Variants in NACC2 observed in about 807,000 individuals in gnomAD.
The protein encoded by NACC2 is nucleus accumbens-associated protein 2.
A neutral mutation model predicts 25.1 loss-of-function variants in NACC2; 8 were observed. The ratio of observed to expected loss-of-function variants is 0.32; its 90% CI spans 0.19 to 0.57. The LOEUF is 0.57. Ranked by LOEUF, NACC2 falls within the 20% of genes least tolerant of loss-of-function variation. NACC2 has a pLI of 0.89. For missense variants in NACC2, 644 were observed against 650.2 expected (o/e 0.99, Z 0.10); for synonymous variants, 435 against 294.7 (o/e 1.48, Z -4.88).
chr9:136,063,890 A>C (rs538091476), intron 1 of NACC2, among the ~76,000 whole-genome samples: 30 of 151,904 alleles, frequency 2.0e-4, no homozygotes, highest in Non-Finnish European at 3.4e-4. Context: ...TCTCAAAAAA[A>C]AAAAAAACAA....
At position 136,042,679 on chromosome 9, in the gene NACC2, G is replaced by A. The variant is rs533941260; in HGVS notation, c.886+6957C>T. Among the ~76,000 whole-genome samples, 9 of 148,194 alleles carry A rather than the reference G, an allele frequency of 6.1e-5. No homozygotes were observed. The East Asian group carries it at 1.0e-3, about 17-fold the overall frequency. ...ACACAGAAACACACACAGACACACA[G>A]ACATACACACACAGACACACACACA... On this transcript the variant is annotated intron_variant, in intron 2 of 5. Transcript: ENST00000277554.
intron 1 of NACC2, among the ~76,000 whole-genome samples, chr9:136,072,504 C>T (rs1830204308): frequency 6.6e-6 from 1 of 151,946 alleles, no homozygotes. Flanking sequence ...AAGATCACAC[C>T]ACTGCAATCC....
intron 1 of NACC2, among the ~76,000 whole-genome samples, chr9:136,083,735 G>C (rs1170166305): frequency 6.6e-6 from 1 of 152,246 alleles, no homozygotes; most frequent in African/African-American, 2.4e-5. Context: ...CGCTGTGCAA[G>C]AAGAAATTCC....
intron 1 of NACC2, among the ~76,000 whole-genome samples, chr9:136,063,679 T>C (rs1029499900): frequency 6.6e-6 from 1 of 151,916 alleles, no homozygotes; most frequent in Non-Finnish European, 1.5e-5. Flanking sequence ...GGCCAGGAGT[T>C]CTAGACCAGC....
chr9:136,050,891 C>T (rs914251430), intron 1 of NACC2, among the ~76,000 whole-genome samples: 1 of 152,148 alleles, frequency 6.6e-6, no homozygotes, highest in Non-Finnish European at 1.5e-5. Flanking sequence ...CGAGGAGGAG[C>T]GCAGGCCTGA....
At position 136,022,083 on chromosome 9, in the gene NACC2, C is replaced by T. The variant is rs1387113878; in HGVS notation, c.887-5654G>A. Among the ~76,000 whole-genome samples, 1 of 152,224 alleles carries T rather than the reference C, an allele frequency of 6.6e-6. No homozygotes were observed. Among genetic ancestry groups the T allele is most frequent in the Non-Finnish European group, 1.5e-5 (1 of 68,036 alleles). On this transcript the variant is annotated intron_variant, in intron 2 of 5. Coordinates refer to ENST00000277554, the MANE Select transcript of NACC2 (RefSeq NM_144653.5). This position sits in a 1 kb window ranked among gnomAD's most constrained non-coding sequence, Gnocchi z 4.4. ...TCTGCTCATGGATCTGGAGGCTGAC[C>T]TGGCACATGCCCTGCACTATCTCTG...
chr9:136,024,454 A>C, intron 2 of NACC2, among the ~76,000 whole-genome samples: 2 of 41,958 alleles, frequency 4.8e-5, no homozygotes, highest in Non-Finnish European at 4.6e-5. Flanking sequence ...GACAGAGGGT[A>C]TGTGTGAGGA....
intron 1 of NACC2, among the ~76,000 whole-genome samples, chr9:136,087,940 G>T: frequency 7.2e-6 from 1 of 139,658 alleles, no homozygotes; most frequent in African/African-American, 2.5e-5. Context: ...CCACCCCGGG[G>T]ACTCTGCTGG....
intron 1 of NACC2, among the ~76,000 whole-genome samples, chr9:136,056,154 C>A (rs998310553): frequency 1.3e-5 from 2 of 152,184 alleles, no homozygotes; most frequent in African/African-American, 4.8e-5. Context: ...TGCCCAGCTC[C>A]GGATGTGCCA....
At chr9:136,063,931 C>T (rs1841047867) in intron 1 of NACC2, among the ~76,000 whole-genome samples, 1 of 151,820 alleles carries the variant, frequency 6.6e-6, no homozygotes, top group South Asian at 2.1e-4. Context: ...ACAGCTGTGC[C>T]CTCATCGGCT....
intron 2 of NACC2, among the ~76,000 whole-genome samples, chr9:136,037,079 C>T (rs1020484413): frequency 2.0e-5 from 3 of 152,078 alleles, no homozygotes; most frequent in Non-Finnish European, 4.4e-5. Flanking sequence ...CCTTAAAGTA[C>T]TGAAAGCAAA....
At chr9:136,033,234 G>C (rs1840499098) in intron 2 of NACC2, among the ~76,000 whole-genome samples, 1 of 152,022 alleles carries the variant, frequency 6.6e-6, no homozygotes, top group Non-Finnish European at 1.5e-5. Flanking sequence ...TAGACTCTCA[G>C]AGTAAATCAG....
chr9:136,042,462 C>T (rs1255861107), intron 2 of NACC2, among the ~76,000 whole-genome samples: 99 of 152,166 alleles, frequency 6.5e-4, no homozygotes, highest in Non-Finnish European at 1.5e-4. Flanking sequence ...TGATTCTTGT[C>T]AAAGGTGTGA....
intron 1 of NACC2, among the ~76,000 whole-genome samples, chr9:136,075,589 C>T (rs1409838509): frequency 6.6e-6 from 1 of 152,212 alleles, no homozygotes; most frequent in Admixed American, 6.5e-5. Context: ...GGGCATAGGC[C>T]CACATTCAGG....
In NACC2 at chr9:136,022,116, C is replaced by T. The variant is rs1016883199; in HGVS notation, c.887-5687G>A. 5.3e-5 allele frequency among the ~76,000 whole-genome samples: 8 copies of T among 152,216 alleles called. No homozygotes were observed. Among genetic ancestry groups the T allele is most frequent in the African/African-American group, 1.7e-4 (7 of 41,466 alleles). ...TGCCCTGCACTATCTCTGCAGCTGC[C>T]GGCTTGGCACAGACCAGCTCTGGCA... On this transcript the variant is annotated intron_variant, in intron 2 of 5. Transcript: ENST00000277554. This position sits in a 1 kb window ranked among gnomAD's most constrained non-coding sequence, Gnocchi z 4.4.
In NACC2 at chr9:136,008,488, T is replaced by G. The variant is rs964466146; in HGVS notation, c.*3028A>C. 4 of 152,304 alleles carry G rather than the reference T, an allele frequency of 2.6e-5. No individual in the cohort carries two copies. The highest frequency in any genetic ancestry group is 4.4e-5 in the Non-Finnish European group (3 of 68,110). The allele number at this position is 152,304 out of a possible 1,614,324, so 9.4% of individuals were successfully genotyped here. On this transcript the variant is annotated 3_prime_UTR_variant, in exon 6 of 6. Transcript: ENST00000277554. ...TATGCGTATTGCTAATAGTCAGGCTTAGGGATAAAGGTGCAGACATCTCAT... is the reference window on the plus strand; with the variant it reads ...TATGCGTATTGCTAATAGTCAGGCTGAGGGATAAAGGTGCAGACATCTCAT...
rs537775493 is a variant in NACC2 at position 136,086,517 on chromosome 9, A to G, written c.-60+8672T>C. On this transcript the variant is annotated intron_variant, in intron 1 of 5. Transcript: ENST00000277554. The surrounding 1 kb of genome is among the most constrained non-coding windows in gnomAD (Gnocchi z 5.6). ...GACGTCGCATGCCCCCAGCTTCCCGACAGCCATCTGCCTGCCAGCACCCAG... is the reference window on the plus strand; with the variant it reads ...GACGTCGCATGCCCCCAGCTTCCCGGCAGCCATCTGCCTGCCAGCACCCAG... Among the ~76,000 whole-genome samples the G allele has an allele frequency of 2.3e-4, 35 of 152,140 alleles. No individual in the cohort carries two copies. The South Asian group carries it at 6.9e-3, about 30-fold the overall frequency.
intron 1 of NACC2, among the ~76,000 whole-genome samples, chr9:136,060,341 C>T (rs1269947268): frequency 5.9e-5 from 9 of 152,208 alleles, no homozygotes; most frequent in African/African-American, 1.9e-4. Flanking sequence ...GCCCTGGAGC[C>T]GGCTGGGCTG....
chr9:136,014,224 C>A (rs1051486126), intron 3 of NACC2, among the ~76,000 whole-genome samples: 1 of 152,098 alleles, frequency 6.6e-6, no homozygotes, highest in South Asian at 2.1e-4. Context: ...CACAGCGCCC[C>A]CCACCCTCCC....
Sources: allele counts gnomAD v4.1 joint callset (sites outside exome capture counted in the v4.1 genomes callset), GRCh38; gene constraint gnomAD v4.1.1; non-coding constraint Gnocchi (gnomAD v3.1); transcripts MANE v1.5; gene names NCBI Gene and HGNC (gene_info 2026-07-23, HGNC 2026-07-21).